Variants in NCKAP5 observed in about 807,000 individuals in gnomAD.
NCKAP5 encodes the protein NCK associated protein 5, also known as nck-associated protein 5.
NCKAP5 carries 92 observed loss-of-function variants against 167.0 expected under a neutral mutation model. That is an observed-to-expected ratio of 0.55 (90% CI 0.47 to 0.66). The LOEUF (loss-of-function observed/expected upper bound fraction) is 0.66, where lower values mean the gene tolerates loss of function less well. Ranked by LOEUF, NCKAP5 falls within the 30% of genes least tolerant of loss-of-function variation. NCKAP5 has a pLI of 0.00. For synonymous variants in NCKAP5, 891 were observed against 877.4 expected, an observed-to-expected ratio of 1.02 and a Z score of -0.27; for missense variants, 2,378 against 2,315.0, an observed-to-expected ratio of 1.03 and a Z score of -0.56.
chr2:133,250,617 G>C (rs2088264742), intron 4 of NCKAP5, among the ~76,000 whole-genome samples: 2 of 152,198 alleles, frequency 1.3e-5, no homozygotes, highest in Admixed American at 1.3e-4. Flanking sequence ...TTGAAAACAG[G>C]TTCTCTCGCA....
At chr2:132,795,979 A>G (rs1040993653) in intron 12 of NCKAP5, among the ~76,000 whole-genome samples, 1 of 151,980 alleles carries the variant, frequency 6.6e-6, no homozygotes, top group African/African-American at 2.4e-5. Flanking sequence ...GAATGTTTAA[A>G]GTGACAATAT....
At chr2:132,950,870 G>A (rs966509189) in intron 8 of NCKAP5, among the ~76,000 whole-genome samples, 2 of 151,794 alleles carry the variant, frequency 1.3e-5, no homozygotes, top group Admixed American at 6.6e-5. Flanking sequence ...CTTGGCCCCA[G>A]GAACCTAAGA....
At chr2:133,610,861 T>C in the NCKAP5 span, among the ~76,000 whole-genome samples, 1 of 152,172 alleles carries the variant, frequency 6.6e-6, no homozygotes, top group Non-Finnish European at 1.5e-5. Context: ...AAAATATATA[T>C]TCTTTAAAAG....
chr2:133,021,782 C>T (rs574747567), intron 6 of NCKAP5, among the ~76,000 whole-genome samples: 1 of 152,266 alleles, frequency 6.6e-6, no homozygotes, highest in South Asian at 2.1e-4. Context: ...AGGTACATGC[C>T]ACCACGCCTG....
chr2:133,573,954 C>A, the NCKAP5 span, among the ~76,000 whole-genome samples: 1 of 152,152 alleles, frequency 6.6e-6, no homozygotes, highest in African/African-American at 2.4e-5. Context: ...CGAACAGAGT[C>A]TGCCTGAAAC....
At chr2:132,873,393 G>A (rs1235183877) in intron 9 of NCKAP5, among the ~76,000 whole-genome samples, 3 of 152,150 alleles carry the variant, frequency 2.0e-5, no homozygotes, top group East Asian at 1.9e-4. Context: ...GATTACAGGC[G>A]TGAGCCACTG....
At chr2:132,675,169 G>C (rs1421403870) in intron 19 of NCKAP5, among the ~76,000 whole-genome samples, 1 of 152,202 alleles carries the variant, frequency 6.6e-6, no homozygotes, top group Non-Finnish European at 1.5e-5. Context: ...CTGCAAGGCA[G>C]GCTGAAGGCT....
At chr2:133,123,373 A>C (rs1559161996) in intron 6 of NCKAP5, 1 of 161,904 alleles carries the variant, frequency 6.2e-6, no homozygotes, top group Non-Finnish European at 1.4e-5. Context: ...ACTAAGATAC[A>C]AACTTCTGAC....
At chr2:132,848,992 T>C (rs938916687) in intron 11 of NCKAP5, among the ~76,000 whole-genome samples, 3 of 152,058 alleles carry the variant, frequency 2.0e-5, no homozygotes, top group African/African-American at 7.2e-5. Flanking sequence ...AGAAACAATA[T>C]GAAATAGAAA....
At chr2:132,828,652 C>G (rs1030101229) in intron 11 of NCKAP5, among the ~76,000 whole-genome samples, 2 of 152,150 alleles carry the variant, frequency 1.3e-5, no homozygotes, top group East Asian at 3.9e-4. Flanking sequence ...CAGACTAATA[C>G]AGGCACTTAA....
chr2:133,573,427 A>G (rs569877147), upstream of NCKAP5, among the ~76,000 whole-genome samples: 153 of 152,306 alleles, frequency 1.0e-3, no homozygotes, highest in African/African-American at 3.4e-3. Context: ...GGGCTGATAC[A>G]GCCTACATCT....
chr2:133,581,281 A>T, the NCKAP5 span, among the ~76,000 whole-genome samples: 1 of 152,198 alleles, frequency 6.6e-6, no homozygotes, highest in Non-Finnish European at 1.5e-5. Flanking sequence ...CTGGTAAGAC[A>T]GGGCCAGAGA....
chr2:132,856,618 A>T (rs188146512), intron 11 of NCKAP5, among the ~76,000 whole-genome samples: 29 of 152,324 alleles, frequency 1.9e-4, no homozygotes, highest in African/African-American at 7.0e-4. Flanking sequence ...TACGAGAATA[A>T]TGTCCCATCA....
intron 6 of NCKAP5, among the ~76,000 whole-genome samples, chr2:133,071,360 G>T (rs1407583654): frequency 6.6e-6 from 1 of 151,924 alleles, no homozygotes; most frequent in Non-Finnish European, 1.5e-5. Context: ...CAGGAGAATG[G>T]TGTGAACCCG....
At chr2:132,957,598 G>C (rs2149177022) in intron 8 of NCKAP5, among the ~76,000 whole-genome samples, 1 of 152,224 alleles carries the variant, frequency 6.6e-6, no homozygotes, top group African/African-American at 2.4e-5. Context: ...CTGTCTCCCA[G>C]CTTCATTTTC....
intron 3 of NCKAP5, among the ~76,000 whole-genome samples, chr2:133,366,391 A>G (rs2150891397): frequency 6.6e-6 from 1 of 152,242 alleles, no homozygotes; most frequent in East Asian, 1.9e-4. Context: ...TAACCTCTGC[A>G]TCCTGGGTTC....
intron 3 of NCKAP5, among the ~76,000 whole-genome samples, chr2:133,458,056 T>C (rs923185043): frequency 6.6e-6 from 1 of 152,184 alleles, no homozygotes; most frequent in African/African-American, 2.4e-5. Context: ...CTGGAGGCTA[T>C]GTTAAAAATT....
intron 7 of NCKAP5, among the ~76,000 whole-genome samples, chr2:132,976,638 A>G (rs979978698): frequency 3.3e-5 from 5 of 151,768 alleles, no homozygotes; most frequent in Non-Finnish European, 5.9e-5. Flanking sequence ...TGCCAAAGGC[A>G]TAGATTTTAA....
At chr2:133,214,288 AC>A (rs2086337264) in intron 4 of NCKAP5, among the ~76,000 whole-genome samples, 1 of 152,162 alleles carries the variant, frequency 6.6e-6, no homozygotes, top group African/African-American at 2.4e-5. Flanking sequence ...GAGCCTGACA[AC>A]AATCCCATGG....
Sources: gnomAD v4.1 joint callset for allele counts (sites outside exome capture counted in the v4.1 genomes callset) on GRCh38, gnomAD v4.1.1 for gene constraint, MANE v1.5 for transcripts, NCBI Gene and HGNC (gene_info 2026-07-23, HGNC 2026-07-21) for gene names.